Variants in B3GAT2 observed in about 807,000 individuals in gnomAD.
B3GAT2 encodes the protein galactosylgalactosylxylosylprotein 3-beta-glucuronosyltransferase 2.
A neutral mutation model predicts 27.8 loss-of-function variants in B3GAT2; 26 were observed. That is an observed-to-expected ratio of 0.93 (90% CI 0.68 to 1.30). The LOEUF is 1.30. B3GAT2 is among the 50% of genes most tolerant of loss of function. The probability of loss-of-function intolerance (pLI) is 0.00; values close to 1 mark genes in which losing one functional copy is unlikely to be tolerated. For missense variants in B3GAT2, 458 were observed against 459.0 expected, an observed-to-expected ratio of 1.00 and a Z score of 0.02; for synonymous variants, 218 against 195.1, an observed-to-expected ratio of 1.12 and a Z score of -0.98.
At position 70,956,143 on chromosome 6, in the gene B3GAT2, G is replaced by A; in HGVS notation, c.287C>T (p.Ala96Val). ...TPTYSRPVQK[A>V]ELTRLANTFR... ...CGTGTTGGCCAGGCGGGTCAGCTCCGCTTTCTGCACCGGGCGGCTGTAGGT... is the reference window on the plus strand; with the variant it reads ...CGTGTTGGCCAGGCGGGTCAGCTCCACTTTCTGCACCGGGCGGCTGTAGGT... Residue 96 changes from alanine to valine, a missense_variant, in exon 1 of 4, where the codon GCG becomes GTG. Coordinates refer to ENST00000230053, the MANE Select transcript of B3GAT2 (RefSeq NM_080742.3). 1 of 1,606,258 alleles carries A rather than the reference G, an allele frequency of 6.2e-7. No homozygotes were observed.
Position 70,858,285 on chromosome 6 carries a change from ATCTTTTTTT to A in B3GAT2, c.*3369_*3377del. 6.9e-6 allele frequency: 7 copies of A among 1,019,714 alleles called. No homozygotes were observed. Among genetic ancestry groups the A allele is most frequent in the Non-Finnish European group, 9.1e-6 (7 of 767,940 alleles). The allele number at this position is 1,019,714 out of a possible 1,614,324, so 63.2% of individuals were successfully genotyped here. On this transcript the variant is annotated 3_prime_UTR_variant, in exon 4 of 4. Coordinates refer to ENST00000230053, the MANE Select transcript of B3GAT2 (RefSeq NM_080742.3). Reference sequence around the variant, plus strand: ...AAATCAAACCAGATTTATTTTCTAAATCTTTTTTTTTTTTTTTTTTTTTTTTTTTTAAGT... The same window carrying A: ...AAATCAAACCAGATTTATTTTCTAAATTTTTTTTTTTTTTTTTTTTTAAGT...
chr6:70,905,224 G>A (rs1202849014), intron 1 of B3GAT2, among the ~76,000 whole-genome samples: 2 of 152,180 alleles, frequency 1.3e-5, no homozygotes, highest in South Asian at 4.1e-4. Context: ...GTGTAATTAT[G>A]ATGATGCTGC....
At chr6:70,950,455 T>C (rs1765561916) in intron 1 of B3GAT2, among the ~76,000 whole-genome samples, 1 of 152,032 alleles carries the variant, frequency 6.6e-6, no homozygotes. Context: ...GCTAATCAGG[T>C]GCTTTACTTA....
At chr6:70,909,717 T>A (rs573451889) in intron 1 of B3GAT2, among the ~76,000 whole-genome samples, 1 of 152,342 alleles carries the variant, frequency 6.6e-6, no homozygotes, top group East Asian at 1.9e-4. Context: ...ACCTTCTCTA[T>A]CCTGCTTTGA....
At chr6:70,895,620 C>T (rs1341310474) in intron 1 of B3GAT2, among the ~76,000 whole-genome samples, 1 of 150,206 alleles carries the variant, frequency 6.7e-6, no homozygotes, top group East Asian at 2.0e-4. Context: ...ATTCTCCTGC[C>T]TCAGCCTCCT....
rs1562223665 is a variant in B3GAT2, at chr6:70,901,643, C to T, written c.592-7371G>A. The stretch of plus-strand genomic sequence containing the variant: ...GCTGTGCCCCTCTCAGCAGTGCCAG[C>T]CCTCCCCCGTTTGCCACAGTGTCCC... On this transcript the variant is annotated intron_variant, in intron 1 of 3. Transcript: ENST00000230053. 2.0e-5 allele frequency among the ~76,000 whole-genome samples: 3 copies of T among 152,166 alleles called. 1 individual carries two copies. The South Asian group carries it at 6.2e-4, about 32-fold the overall frequency.
chr6:70,909,679 G>T (rs1772658138), intron 1 of B3GAT2, among the ~76,000 whole-genome samples: 1 of 152,170 alleles, frequency 6.6e-6, no homozygotes, highest in South Asian at 2.1e-4. Context: ...GTGTATTTAT[G>T]CTGATATCTT....
At position 70,935,848 on chromosome 6, in the gene B3GAT2, C is replaced by T. The variant is rs544105422; in HGVS notation, c.591+19991G>A. Among the ~76,000 whole-genome samples the T allele has an allele frequency of 5.7e-3, 863 of 151,926 alleles. 4 individuals are homozygous for T. Among genetic ancestry groups the T allele is most frequent in the Middle Eastern group, 0.041 (12 of 294 alleles). ...GCTAGGAAGAAACTGCATCAACTAA[C>T]GAGCAAAATAACCAGCTAACATCAT... is the stretch of plus-strand genomic sequence containing the variant. On this transcript the variant is annotated intron_variant, in intron 1 of 3. Transcript: ENST00000230053.
At chr6:70,936,496 G>C (rs1444139503) in intron 1 of B3GAT2, among the ~76,000 whole-genome samples, 5 of 151,940 alleles carry the variant, frequency 3.3e-5, no homozygotes, top group South Asian at 2.1e-4. Context: ...TGACCACATA[G>C]TTGGAAGTAA....
rs1403046572 is a variant in B3GAT2, at chr6:70,902,663, CACAT to C, written c.592-8395_592-8392del. 3.2e-3 allele frequency among the ~76,000 whole-genome samples: 346 copies of C among 109,616 alleles called. 1 individual carries two copies. Among genetic ancestry groups the C allele is most frequent in the South Asian group, 0.013 (47 of 3,486 alleles). The allele number at this position is 109,616 out of a possible 152,430, so 71.9% of individuals were successfully genotyped here. On this transcript the variant is annotated intron_variant, in intron 1 of 3. Transcript: ENST00000230053. ...ACACACACACACACACACACACACA[CACAT>C]ATATATATATACACATAAACACAAT...
At chr6:70,940,835 G>C (rs980170937) in intron 1 of B3GAT2, among the ~76,000 whole-genome samples, 3 of 152,156 alleles carry the variant, frequency 2.0e-5, no homozygotes, top group Non-Finnish European at 2.9e-5. Context: ...GGCTGAAGCA[G>C]GGGAATCGCT....
chr6:70,915,410 T>C lies in B3GAT2; in HGVS notation c.592-21138A>G, dbSNP rs188642595. Among the ~76,000 whole-genome samples the C allele has an allele frequency of 4.0e-3, 615 of 152,376 alleles. 1 individual carries two copies. The highest frequency in any genetic ancestry group is 6.8e-3 in the Non-Finnish European group (462 of 68,036). On this transcript the variant is annotated intron_variant, in intron 1 of 3. Coordinates refer to ENST00000230053, the MANE Select transcript of B3GAT2 (RefSeq NM_080742.3). ...GCTGTGCAGAAGCTGTTTAGTTTAA[T>C]TAGATGCCATTTGTCAATTTTGGCT...
intron 1 of B3GAT2, among the ~76,000 whole-genome samples, chr6:70,925,190 G>A (rs940511774): frequency 2.6e-5 from 4 of 152,252 alleles, no homozygotes; most frequent in African/African-American, 7.2e-5. Flanking sequence ...CAAGATGGCC[G>A]AAGAGGAACA....
intron 1 of B3GAT2, among the ~76,000 whole-genome samples, chr6:70,905,544 T>TA (rs2150036596): frequency 6.6e-6 from 1 of 152,332 alleles, no homozygotes; most frequent in African/African-American, 2.4e-5. Flanking sequence ...TTGCCCCTTT[T>TA]AAAATTGGAT....
intron 2 of B3GAT2, among the ~76,000 whole-genome samples, chr6:70,871,608 G>A (rs1270030964): frequency 6.6e-6 from 1 of 151,782 alleles, no homozygotes; most frequent in African/African-American, 2.4e-5. Context: ...AGTAATGTGA[G>A]GCTTCTCTCC....
intron 1 of B3GAT2, among the ~76,000 whole-genome samples, chr6:70,952,914 A>G (rs981913018): frequency 6.6e-6 from 1 of 152,252 alleles, no homozygotes; most frequent in African/African-American, 2.4e-5. Context: ...AATTGAACAC[A>G]GATTGCCTGT....
chr6:70,903,807 G>T (rs574357914), intron 1 of B3GAT2, among the ~76,000 whole-genome samples: 1 of 151,624 alleles, frequency 6.6e-6, no homozygotes, highest in Non-Finnish European at 1.5e-5. Context: ...GTAAAAAATG[G>T]TAACAACTAC....
chr6:70,956,278 C>G lies in B3GAT2; in HGVS notation c.152G>C (p.Arg51Pro). The G allele has an allele frequency of 6.2e-7, 1 of 1,606,732 alleles. No homozygotes were observed. Among genetic ancestry groups the G allele is most frequent in the African/African-American group, 1.3e-5 (1 of 74,956 alleles). Reference sequence around the variant, plus strand: ...CGGGCCGCCCCTGCGGAGCGGGAGTCGGGCGCCCCCGCGGCCCACCGCGTA... The same window carrying G: ...CGGGCCGCCCCTGCGGAGCGGGAGTGGGGCGCCCCCGCGGCCCACCGCGTA... ...SPYAVGRGGA[R>P]LPLRRGGPAH... is the part of the protein sequence containing the mutation. The change falls in exon 1 of 4, where the codon CGA (arginine) becomes CCA (proline). Residue 51 changes from arginine (R) to proline (P), a missense_variant. Transcript: ENST00000230053.
rs1380420077 is a variant in B3GAT2 at position 70,856,917 on chromosome 6, AT to A, written c.*4745del. On this transcript the variant is annotated 3_prime_UTR_variant, in exon 4 of 4. Transcript: ENST00000230053. ...TCTACAGTAACATCTGGGGATCTAG[AT>A]TTATTCACTGAGCAAACTACAAAAT... The A allele has an allele frequency of 6.2e-7, 1 of 1,613,926 alleles. No individual in the cohort carries two copies. Among genetic ancestry groups the A allele is most frequent in the African/African-American group, 1.3e-5 (1 of 75,060 alleles).
Sources: gnomAD v4.1 joint callset for allele counts (sites outside exome capture counted in the v4.1 genomes callset) on GRCh38, gnomAD v4.1.1 for gene constraint, MANE v1.5 for transcripts, NCBI Gene and HGNC (gene_info 2026-07-23, HGNC 2026-07-21) for gene names.